SEMA3A: variants seen among roughly 807,000 people sequenced by gnomAD.
The protein encoded by SEMA3A is semaphorin 3A, also known as semaphorin-3A.
Under a neutral mutation model 97.9 loss-of-function variants are expected in SEMA3A, and 29 were observed. The observed-to-expected ratio is 0.30, with a 90% CI of 0.22 to 0.40. The LOEUF (loss-of-function observed/expected upper bound fraction) is 0.40. SEMA3A is among the 10% of genes least tolerant of loss of function. The pLI is 1.00. For synonymous variants in SEMA3A, 321 were observed against 323.7 expected, an observed-to-expected ratio of 0.99 and a Z score of 0.09; for missense variants, 763 against 951.3, an observed-to-expected ratio of 0.80 and a Z score of 2.60.
chr7:83,979,624 G>C (rs2109704), intron 14 of SEMA3A, among the ~76,000 whole-genome samples: 2 of 151,782 alleles, frequency 1.3e-5, no homozygotes, highest in African/African-American at 4.8e-5. Context: ...TTGAAATTTC[G>C]ACAAAATGAA....
intron 1 of SEMA3A, among the ~76,000 whole-genome samples, chr7:84,476,066 AT>A (rs1005294014): frequency 1.4e-4 from 21 of 151,972 alleles, no homozygotes; most frequent in African/African-American, 2.2e-4. Context: ...TTGTTTAAAA[AT>A]TTTTTTTGGC....
At position 84,050,638 on chromosome 7, in the gene SEMA3A, A is replaced by C. The variant is rs974739091; in HGVS notation, c.548-4195T>G. ...TTTGTCAGATGAGTAGGTTGCGAAAATTTTCTCCCATTTTGTAGGTTGCCT... is the reference window on the plus strand; with the variant it reads ...TTTGTCAGATGAGTAGGTTGCGAAACTTTTCTCCCATTTTGTAGGTTGCCT... On this transcript the variant is annotated intron_variant, in intron 5 of 16. Coordinates refer to ENST00000265362, the MANE Select transcript of SEMA3A (RefSeq NM_006080.3). Among the ~76,000 whole-genome samples, 9 of 151,434 alleles carry C rather than the reference A, an allele frequency of 5.9e-5. 1 individual carries two copies. The highest frequency in any genetic ancestry group is 2.2e-4 in the African/African-American group (9 of 41,142).
intron 4 of SEMA3A, among the ~76,000 whole-genome samples, chr7:84,104,325 G>A (rs965073410): frequency 3.9e-5 from 6 of 151,996 alleles, no homozygotes; most frequent in African/African-American, 1.4e-4. Flanking sequence ...ACTTTACCTG[G>A]CAATAGGTAT....
At chr7:84,463,686 T>TGACTTTTCTTC (rs1354231051) in intron 1 of SEMA3A, among the ~76,000 whole-genome samples, 1 of 152,194 alleles carries the variant, frequency 6.6e-6, no homozygotes, top group African/African-American at 2.4e-5. Flanking sequence ...CTGTTTGGAA[T>TGACTTTTCTTC]GACTTTTCTT....
intron 3 of SEMA3A, among the ~76,000 whole-genome samples, chr7:84,215,922 T>C (rs1195504945): frequency 6.6e-6 from 1 of 151,602 alleles, no homozygotes. Context: ...TGTGTACATA[T>C]AGATACACAC....
chr7:84,231,604 G>T (rs372060677), intron 3 of SEMA3A, among the ~76,000 whole-genome samples: 8 of 152,066 alleles, frequency 5.3e-5, no homozygotes, highest in African/African-American at 1.9e-4. Context: ...TTAAAATAGA[G>T]CACCAGATAA....
intron 1 of SEMA3A, among the ~76,000 whole-genome samples, chr7:84,145,536 T>C (rs191345154): frequency 2.2e-3 from 332 of 152,334 alleles, no homozygotes; most frequent in Admixed American, 5.0e-3. Flanking sequence ...TTATAAATTA[T>C]GTTCAAATGA....
chr7:84,470,176 G>A (rs1347155460), intron 1 of SEMA3A, among the ~76,000 whole-genome samples: 3 of 151,924 alleles, frequency 2.0e-5, no homozygotes, highest in Non-Finnish European at 4.4e-5. Flanking sequence ...AAGTGCTTGG[G>A]ATTCTACTAT....
At chr7:83,985,688 G>C (rs1789603493) in intron 12 of SEMA3A, among the ~76,000 whole-genome samples, 1 of 152,158 alleles carries the variant, frequency 6.6e-6, no homozygotes, top group Non-Finnish European at 1.5e-5. Context: ...GTGTCATACA[G>C]TCTACATACC....
At chr7:84,096,654 T>C (rs1794784059) in intron 4 of SEMA3A, among the ~76,000 whole-genome samples, 1 of 152,094 alleles carries the variant, frequency 6.6e-6, no homozygotes, top group Non-Finnish European at 1.5e-5. Context: ...TGAAATTTTT[T>C]GTCATTTATG....
At chr7:84,108,357 A>G (rs1795173025) in intron 4 of SEMA3A, among the ~76,000 whole-genome samples, 1 of 151,874 alleles carries the variant, frequency 6.6e-6, no homozygotes, top group African/African-American at 2.4e-5. Context: ...GAAAAAAAAA[A>G]AGAAAAAAGG....
Position 83,957,668 on chromosome 7 carries a change from AGTTT to A in SEMA3A, c.*3699_*3702del, listed in dbSNP as rs1788323055. 1 of 152,104 alleles carries A rather than the reference AGTTT, an allele frequency of 6.6e-6. No individual in the cohort carries two copies. Among genetic ancestry groups the A allele is most frequent in the South Asian group, 2.1e-4 (1 of 4,836 alleles). 9.4% of individuals were successfully genotyped at this position (152,104 alleles called of 1,614,324 possible). On this transcript the variant is annotated 3_prime_UTR_variant, in exon 17 of 17. Coordinates refer to ENST00000265362, the MANE Select transcript of SEMA3A (RefSeq NM_006080.3). ...AAAAATTATGTTCATTTAATTAACT[AGTTT>A]AAGAAAATTTTTAGAGATCAAACAA...
At chr7:84,348,261 ATTGT>A (rs1306797305) in intron 2 of SEMA3A, among the ~76,000 whole-genome samples, 3 of 152,318 alleles carry the variant, frequency 2.0e-5, no homozygotes, top group South Asian at 4.1e-4. Context: ...TTAATTAAGC[ATTGT>A]TTAAGTAGAA....
intron 3 of SEMA3A, among the ~76,000 whole-genome samples, chr7:84,264,453 G>GT (rs957037361): frequency 2.6e-5 from 4 of 152,110 alleles, no homozygotes; most frequent in Non-Finnish European, 4.4e-5. Context: ...TACTTCTGCG[G>GT]TTTTTTTCTG....
intron 6 of SEMA3A, among the ~76,000 whole-genome samples, chr7:84,016,257 T>C (rs1468097115): frequency 3.3e-5 from 5 of 152,048 alleles, no homozygotes; most frequent in Non-Finnish European, 7.4e-5. Flanking sequence ...AACAGAAACC[T>C]GGCCGGGCAC....
chr7:84,110,892 T>C (rs946313040), intron 3 of SEMA3A, among the ~76,000 whole-genome samples: 18 of 152,082 alleles, frequency 1.2e-4, no homozygotes, highest in African/African-American at 4.3e-4. Context: ...ATTTAGACAA[T>C]CAATAATCAC....
chr7:84,116,124 C>T (rs12707616), intron 3 of SEMA3A, among the ~76,000 whole-genome samples: 110,210 of 152,008 alleles, frequency 0.73, 40,425 homozygotes, highest in East Asian at 0.91. Flanking sequence ...CTTTCTACCC[C>T]ATCTTGCCTA....
chr7:84,402,411 ACAGCC>A (rs1162811779), intron 1 of SEMA3A, among the ~76,000 whole-genome samples: 1 of 152,200 alleles, frequency 6.6e-6, no homozygotes, highest in African/African-American at 2.4e-5. Flanking sequence ...ATAAATTAGT[ACAGCC>A]ATTATGGAAA....
intron 3 of SEMA3A, among the ~76,000 whole-genome samples, chr7:84,270,713 C>G (rs1800126472): frequency 6.7e-6 from 1 of 149,304 alleles, no homozygotes; most frequent in Non-Finnish European, 1.5e-5. Flanking sequence ...ATTTGCTTAG[C>G]TTTCTTGTTT....
Sources: allele counts gnomAD v4.1 joint callset (sites outside exome capture counted in the v4.1 genomes callset), GRCh38; gene constraint gnomAD v4.1.1; transcripts MANE v1.5; gene names NCBI Gene and HGNC (gene_info 2026-07-23, HGNC 2026-07-21).